Variants in NDUFAF2 observed in about 807,000 individuals in gnomAD.
The protein encoded by NDUFAF2 is NADH:ubiquinone oxidoreductase complex assembly factor 2, also known as NADH dehydrogenase [ubiquinone] 1 alpha subcomplex assembly factor 2.
In NDUFAF2, 13 loss-of-function variants were observed where a neutral mutation model predicts 22.8. The observed-to-expected ratio is 0.57, with a 90% confidence interval of 0.37 to 0.91. NDUFAF2 has a LOEUF of 0.91. NDUFAF2 is among the 40% of genes least tolerant of loss of function. The pLI is 0.01. For synonymous variants in NDUFAF2, 53 were observed against 64.2 expected, an observed-to-expected ratio of 0.83 and a Z score of 0.84; for missense variants, 162 against 195.2, an observed-to-expected ratio of 0.83 and a Z score of 1.01.
chr5:61,133,752 CACAG>C (rs1356982280), intron 3 of NDUFAF2, among the ~76,000 whole-genome samples: 1 of 152,186 alleles, frequency 6.6e-6, no homozygotes, highest in Non-Finnish European at 1.5e-5. Context: ...AGTGAGTAAA[CACAG>C]ACAGAGCCAC....
At chr5:61,037,186 C>CCA (rs1370389101) in intron 1 of NDUFAF2, among the ~76,000 whole-genome samples, 1 of 151,968 alleles carries the variant, frequency 6.6e-6, no homozygotes, top group Non-Finnish European at 1.5e-5. Flanking sequence ...TGATTGAGTG[C>CCA]CACATGGACT....
intron 2 of NDUFAF2, among the ~76,000 whole-genome samples, chr5:61,088,179 A>G (rs1368445102): frequency 6.6e-6 from 1 of 152,096 alleles, no homozygotes; most frequent in Admixed American, 6.6e-5. Flanking sequence ...ATTTCTTGCC[A>G]ATGGTGTTTC....
At chr5:60,984,124 G>A (rs1751033165) in intron 1 of NDUFAF2, among the ~76,000 whole-genome samples, 1 of 152,140 alleles carries the variant, frequency 6.6e-6, no homozygotes, top group African/African-American at 2.4e-5. Flanking sequence ...ACGTCCCTTT[G>A]TAAGTTGGAT....
At chr5:61,151,449 T>C (rs1212030371) in intron 3 of NDUFAF2, among the ~76,000 whole-genome samples, 17 of 152,070 alleles carry the variant, frequency 1.1e-4, no homozygotes, top group Non-Finnish European at 1.5e-5. Context: ...AAAAGAACAT[T>C]AAAAAATTTC....
rs138958164 is a variant in NDUFAF2, at chr5:60,963,803, G to A, written c.127+18421G>A. Among the ~76,000 whole-genome samples, 16 of 152,306 alleles carry A rather than the reference G, an allele frequency of 1.1e-4. No individual in the cohort carries two copies. The East Asian group carries it at 3.1e-3, about 29-fold the overall frequency. ...AACTAGGTTAGAGTTGAGATCAGAAGTGTTGGCTGTAGAGAGTGGGTTGAA... is the reference window on the plus strand; with the variant it reads ...AACTAGGTTAGAGTTGAGATCAGAAATGTTGGCTGTAGAGAGTGGGTTGAA... On this transcript the variant is annotated intron_variant, in intron 1 of 3. Transcript: ENST00000296597.
At chr5:61,002,347 C>A (rs944115389) in intron 1 of NDUFAF2, among the ~76,000 whole-genome samples, 1 of 152,110 alleles carries the variant, frequency 6.6e-6, no homozygotes, top group Non-Finnish European at 1.5e-5. Context: ...CCTTTAGGAT[C>A]TTAAGTAGTC....
chr5:61,121,791 C>T (rs1444730583), intron 3 of NDUFAF2, among the ~76,000 whole-genome samples: 2 of 151,742 alleles, frequency 1.3e-5, no homozygotes, highest in African/African-American at 4.8e-5. Context: ...GGAATTCTGC[C>T]TGAAGACTGG....
chr5:60,977,666 G>A (rs557576693), intron 1 of NDUFAF2, among the ~76,000 whole-genome samples: 6 of 151,796 alleles, frequency 4.0e-5, no homozygotes, highest in African/African-American at 1.5e-4. Flanking sequence ...GTGAAACCCC[G>A]TTTCTACTAA....
intron 2 of NDUFAF2, among the ~76,000 whole-genome samples, chr5:61,085,435 T>A (rs543340481): frequency 6.6e-6 from 1 of 152,250 alleles, no homozygotes; most frequent in Non-Finnish European, 1.5e-5. Context: ...AACCTACAGT[T>A]AACCTCACAT....
intron 2 of NDUFAF2, among the ~76,000 whole-genome samples, chr5:61,073,604 T>A (rs531971876): frequency 5.3e-5 from 8 of 152,342 alleles, no homozygotes; most frequent in African/African-American, 1.9e-4. Context: ...AAACTTTTAG[T>A]TTTTTCTTTT....
chr5:61,079,649 A>G (rs1235561872), intron 2 of NDUFAF2, among the ~76,000 whole-genome samples: 2 of 152,230 alleles, frequency 1.3e-5, no homozygotes, highest in Admixed American at 6.5e-5. Context: ...TTAGCATTCA[A>G]TCTTTCACCA....
intron 3 of NDUFAF2, among the ~76,000 whole-genome samples, chr5:61,108,169 A>C (rs1222631630): frequency 1.3e-5 from 2 of 148,478 alleles, no homozygotes; most frequent in Admixed American, 1.3e-4. Context: ...ATACGTGTGC[A>C]TGTGTCTTTA....
chr5:61,130,114 G>A (rs1345565640), intron 3 of NDUFAF2, among the ~76,000 whole-genome samples: 1 of 152,056 alleles, frequency 6.6e-6, no homozygotes, highest in Non-Finnish European at 1.5e-5. Flanking sequence ...TAAAAAAATG[G>A]TTTTACCTAG....
intron 3 of NDUFAF2, among the ~76,000 whole-genome samples, chr5:61,109,686 C>G (rs1341005955): frequency 6.6e-6 from 1 of 152,136 alleles, no homozygotes; most frequent in Admixed American, 6.5e-5. Flanking sequence ...ATGCTGTTCT[C>G]ATGATAGTGA....
intron 1 of NDUFAF2, among the ~76,000 whole-genome samples, chr5:60,964,353 A>G (rs1750727224): frequency 6.6e-6 from 1 of 152,118 alleles, no homozygotes; most frequent in African/African-American, 2.4e-5. Context: ...ATATTGTGGA[A>G]TGGCTAACTC....
intron 3 of NDUFAF2, among the ~76,000 whole-genome samples, chr5:61,136,078 T>C (rs1740933963): frequency 7.0e-6 from 1 of 142,218 alleles, no homozygotes; most frequent in African/African-American, 2.7e-5. Context: ...CCAGTATCCC[T>C]GTTTGCAAAC....
chr5:61,016,209 G>A (rs1751508728), intron 1 of NDUFAF2, among the ~76,000 whole-genome samples: 1 of 151,754 alleles, frequency 6.6e-6, no homozygotes, highest in African/African-American at 2.4e-5. Context: ...ATATACAGAG[G>A]TAAAATGATT....
At chr5:61,116,220 A>G (rs1561570001) in intron 3 of NDUFAF2, 2 of 152,160 alleles carry the variant, frequency 1.3e-5, no homozygotes, top group South Asian at 4.1e-4. Context: ...CACCTGTGGC[A>G]TCAAAGTTTC....
intron 1 of NDUFAF2, among the ~76,000 whole-genome samples, chr5:60,966,717 C>T (rs530529514): frequency 8.5e-5 from 13 of 152,050 alleles, no homozygotes; most frequent in African/African-American, 1.9e-4. Context: ...GTGGTCTTTG[C>T]GCTAATACCA....
Sources: gnomAD v4.1 joint callset for allele counts (sites outside exome capture counted in the v4.1 genomes callset) on GRCh38, gnomAD v4.1.1 for gene constraint, MANE v1.5 for transcripts, NCBI Gene and HGNC (gene_info 2026-07-23, HGNC 2026-07-21) for gene names.